Variants in ASB3 observed in about 807,000 individuals in gnomAD.
The protein encoded by ASB3 is ankyrin repeat and SOCS box protein 3.
ASB3 carries 41 observed loss-of-function variants against 54.5 expected under a neutral mutation model. That is an observed-to-expected ratio of 0.75 (90% CI 0.59 to 0.98). ASB3 has a LOEUF of 0.98. Among genes scored for constraint, ASB3 ranks in the 50% least tolerant of loss-of-function variants. The pLI, the probability that ASB3 is intolerant of heterozygous loss-of-function variation, is 0.00. For synonymous variants in ASB3, 266 were observed against 221.2 expected (o/e 1.20, Z -1.80); for missense variants, 733 against 620.0 (o/e 1.18, Z -1.94).
chr2:53,695,502 G>A (rs538708513), intron 8 of ASB3, among the ~76,000 whole-genome samples: 4 of 150,938 alleles, frequency 2.7e-5, no homozygotes, highest in Non-Finnish European at 5.9e-5. Context: ...TTTTTTTAAC[G>A]ATTTCATTTT....
At position 53,771,895 on chromosome 2, in the gene ASB3, T is replaced by C. The variant is rs910503369; in HGVS notation, c.-13-6310A>G. 5 of 1,550,152 alleles carry C rather than the reference T, an allele frequency of 3.2e-6. No homozygotes were observed. In the African/African-American group the frequency reaches 5.5e-5, roughly 17 times the overall value. On this transcript the variant is annotated intron_variant, in intron 1 of 9. Transcript: ENST00000263634. ...TAATTCAGAAAAATTTTTTTTTACC[T>C]TTTTAAAACAGCCTGGAAGAGTTGT...
In ASB3 at chr2:53,670,478, A is replaced by G. The variant is rs756172761; in HGVS notation, c.*25T>C. On this transcript the variant is annotated 3_prime_UTR_variant, in exon 10 of 10. Transcript: ENST00000263634. ...CGATGATTTTTCAGAGAAAAAAATT[A>G]GCTGTGTTAAGTAGTTTCACTGATT... is the stretch of plus-strand genomic sequence containing the variant. 1.3e-6 allele frequency: 2 copies of G among 1,598,482 alleles called. No homozygotes were observed. The highest frequency in any genetic ancestry group is 1.7e-6 in the Non-Finnish European group (2 of 1,176,258).
At chr2:53,750,986 T>A in intron 2 of ASB3, 45 bp from the exon 3 acceptor site, 1 of 1,415,822 alleles carries the variant, frequency 7.1e-7, no homozygotes, top group Non-Finnish European at 9.3e-7. Flanking sequence ...ATTACTTCTA[T>A]TTCCTGGTTT....
chr2:53,699,019 G>C (rs949124660), intron 8 of ASB3, among the ~76,000 whole-genome samples: 2 of 152,184 alleles, frequency 1.3e-5, no homozygotes, highest in Admixed American at 1.3e-4. Flanking sequence ...CAATACCTGA[G>C]ACTGGGTAAT....
At chr2:53,746,744 T>G (rs372946520) in intron 3 of ASB3, among the ~76,000 whole-genome samples, 90 of 152,274 alleles carry the variant, frequency 5.9e-4, no homozygotes, top group African/African-American at 1.5e-3. Flanking sequence ...CCTCCCAAAG[T>G]GCTGAGATTA....
intron 1 of ASB3, among the ~76,000 whole-genome samples, chr2:53,772,501 T>G (rs546322307): frequency 6.6e-6 from 1 of 152,176 alleles, no homozygotes; most frequent in African/African-American, 2.4e-5. Flanking sequence ...ACAAGTTTAT[T>G]AACTAAGAAT....
intron 1 of ASB3, among the ~76,000 whole-genome samples, chr2:53,773,851 G>GT (rs748960442): frequency 2.0e-5 from 3 of 151,774 alleles, no homozygotes; most frequent in Non-Finnish European, 4.4e-5. Context: ...CCTGGCCAAC[G>GT]TGACAAAACC....
intron 9 of ASB3, among the ~76,000 whole-genome samples, chr2:53,671,409 C>G (rs1667811189): frequency 6.8e-6 from 1 of 146,048 alleles, no homozygotes; most frequent in Non-Finnish European, 1.5e-5. Context: ...TCTGGCAAGG[C>G]AGTGCAGCCA....
chr2:53,740,994 T>C (rs1210687079), intron 3 of ASB3, among the ~76,000 whole-genome samples: 1 of 152,226 alleles, frequency 6.6e-6, no homozygotes, highest in East Asian at 1.9e-4. Flanking sequence ...ACTGTAATTC[T>C]ACTACTTTCA....
intron 8 of ASB3, among the ~76,000 whole-genome samples, chr2:53,697,964 C>T (rs954189859): frequency 6.6e-6 from 1 of 152,146 alleles, no homozygotes; most frequent in African/African-American, 2.4e-5. Context: ...CAATGGCAGC[C>T]CTGCTCCCAT....
In ASB3 at chr2:53,729,492, C is replaced by G. The variant is rs771217585; in HGVS notation, c.434G>C (p.Cys145Ser). The G allele has an allele frequency of 6.2e-7, 1 of 1,613,916 alleles. No individual in the cohort carries two copies. The highest frequency in any genetic ancestry group is 2.2e-5 in the East Asian group (1 of 44,858). Residue 145 changes from cysteine to serine, a missense_variant, in exon 4 of 10, where the codon TGT becomes TCT. By Grantham distance (112) the Cys-to-Ser change is moderately radical. Coordinates refer to ENST00000263634, the MANE Select transcript of ASB3 (RefSeq NM_016115.5). ...AGCCTGGTGCAAGGAGTTCCATCCACACATAGAATGGGATCCATTAACATT... is the reference window on the plus strand; with the variant it reads ...AGCCTGGTGCAAGGAGTTCCATCCAGACATAGAATGGGATCCATTAACATT... The part of the protein sequence containing the change: ...GANVNGSHSM[C>S]GWNSLHQASF...
intron 5 of ASB3, among the ~76,000 whole-genome samples, chr2:53,720,350 C>A (rs1446140635): frequency 1.3e-5 from 2 of 152,190 alleles, no homozygotes; most frequent in African/African-American, 2.4e-5. Context: ...GTGTCACAGG[C>A]ACATGCCCTT....
At chr2:53,712,422 T>C (rs2103824634) in intron 7 of ASB3, among the ~76,000 whole-genome samples, 1 of 152,324 alleles carries the variant, frequency 6.6e-6, no homozygotes, top group East Asian at 1.9e-4. Flanking sequence ...TGACTGATTT[T>C]GTAGAAATCA....
chr2:53,751,937 C>G (rs982418868), intron 2 of ASB3, among the ~76,000 whole-genome samples: 4 of 152,142 alleles, frequency 2.6e-5, no homozygotes, highest in Non-Finnish European at 5.9e-5. Flanking sequence ...AGAGATTAGT[C>G]AGAAGTTGAC....
At chr2:53,738,838 A>G (rs1400363475) in intron 3 of ASB3, among the ~76,000 whole-genome samples, 1 of 152,192 alleles carries the variant, frequency 6.6e-6, no homozygotes, top group Non-Finnish European at 1.5e-5. Context: ...CCAGAGACCA[A>G]GGAAAAAGAT....
Position 53,765,482 on chromosome 2 carries a change from T to C in ASB3, c.91A>G (p.Lys31Glu). The C allele has an allele frequency of 6.2e-7, 1 of 1,614,262 alleles. No individual in the cohort carries two copies. The highest frequency in any genetic ancestry group is 8.5e-7 in the Non-Finnish European group (1 of 1,180,044). ...GCAACATCGACACTTCGGCCCTTTT[T>C]GAGCAGTTTCCTTAAGACTTTAACA... ...GNVKVLRKLL[K>E]KGRSVDVADN... The change falls in exon 2 of 10, where the codon AAA (lysine) becomes GAA (glutamate). Residue 31 changes from lysine to glutamate, a missense_variant. Lys to Glu is a moderately conservative substitution (Grantham distance 56). Transcript: ENST00000263634.
intron 2 of ASB3, among the ~76,000 whole-genome samples, chr2:53,761,687 G>A (rs1220906378): frequency 6.6e-6 from 1 of 152,174 alleles, no homozygotes; most frequent in Non-Finnish European, 1.5e-5. Context: ...AGCATATGAT[G>A]GGACTTCTCA....
At chr2:53,783,099 C>G (rs1204300105) in intron 1 of ASB3, among the ~76,000 whole-genome samples, 2 of 151,758 alleles carry the variant, frequency 1.3e-5, no homozygotes, top group African/African-American at 4.8e-5. Flanking sequence ...GAAGTAAAAG[C>G]ACAACAGACA....
At chr2:53,771,864 C>T (rs1206179957) in intron 1 of ASB3, 10 of 1,221,248 alleles carry the variant, frequency 8.2e-6, no homozygotes, top group Non-Finnish European at 1.2e-5. Context: ...ACTTAATGAA[C>T]TTTATTAATT....
Sources: gnomAD v4.1 joint callset for allele counts (sites outside exome capture counted in the v4.1 genomes callset) on GRCh38, gnomAD v4.1.1 for gene constraint, MANE v1.5 for transcripts, NCBI Gene and HGNC (gene_info 2026-07-23, HGNC 2026-07-21) for gene names.